The following BARHL2 variants were observed in gnomAD, a reference collection of about 807,000 sequenced individuals.
BARHL2 encodes barH-like 2 homeobox protein.
Under a neutral mutation model 27.1 loss-of-function variants are expected in BARHL2, and 10 were observed. The observed-to-expected ratio is 0.37, with a 90% CI of 0.23 to 0.63. The LOEUF is 0.63. BARHL2 is among the 20% of genes least tolerant of loss of function. The pLI, the probability that BARHL2 is intolerant of heterozygous loss-of-function variation, is 0.65. For synonymous variants in BARHL2, 248 were observed against 224.7 expected, an observed-to-expected ratio of 1.10 and a Z score of -0.93; for missense variants, 483 against 533.5, an observed-to-expected ratio of 0.91 and a Z score of 0.93.
rs895634490 is a variant in BARHL2, at chr1:90,717,259, T to C, written c.-64A>G. The C allele has an allele frequency of 1.4e-5, 22 of 1,560,348 alleles. No individual in the cohort carries two copies. The highest frequency in any genetic ancestry group is 3.7e-5 in the South Asian group (3 of 81,614). Reference sequence around the variant, plus strand: ...CGCCCCGAACCAGCGAAGAAAGCTATCGATCGTAAAACAAAATAAACACCA... The same window carrying C: ...CGCCCCGAACCAGCGAAGAAAGCTACCGATCGTAAAACAAAATAAACACCA... On this transcript the variant is annotated 5_prime_UTR_variant, in exon 1 of 3. Coordinates refer to ENST00000370445, the MANE Select transcript of BARHL2 (RefSeq NM_020063.2).
At position 90,711,588 on chromosome 1, in the gene BARHL2, A is replaced by G. The variant is rs1658032590; in HGVS notation, c.*724T>C. Reference sequence around the variant, plus strand: ...TTTTGTAATTTTCAATCACAAAAAAATCTATATTTTTGTCTAAGCATTTAT... The same window carrying G: ...TTTTGTAATTTTCAATCACAAAAAAGTCTATATTTTTGTCTAAGCATTTAT... On this transcript the variant is annotated 3_prime_UTR_variant, in exon 3 of 3. Coordinates refer to ENST00000370445, the MANE Select transcript of BARHL2 (RefSeq NM_020063.2). The G allele has an allele frequency of 6.6e-6, 1 of 152,256 alleles. No individual in the cohort carries two copies. The highest frequency in any genetic ancestry group is 1.5e-5 in the Non-Finnish European group (1 of 68,048). 9.4% of individuals were successfully genotyped at this position (152,256 alleles called of 1,614,324 possible).
At position 90,717,301 on chromosome 1, in the gene BARHL2, C is replaced by T. The variant is rs1658172780; in HGVS notation, c.-106G>A. On this transcript the variant is annotated 5_prime_UTR_variant, in exon 1 of 3. Transcript: ENST00000370445. Reference sequence around the variant, plus strand: ...TAAACACCAAACAATGTTGCCGCCGCTTAAAAAAAAAAAAGTGGGGCGGGG... The same window carrying T: ...TAAACACCAAACAATGTTGCCGCCGTTTAAAAAAAAAAAAGTGGGGCGGGG... 6.8e-7 allele frequency: 1 copy of T among 1,475,270 alleles called. No individual in the cohort carries two copies. Among genetic ancestry groups the T allele is most frequent in the Non-Finnish European group, 8.9e-7 (1 of 1,125,904 alleles). The allele number at this position is 1,475,270 out of a possible 1,614,324, so 91.4% of individuals were successfully genotyped here.
chr1:90,715,150 T>C (rs2100641927), intron 1 of BARHL2, among the ~76,000 whole-genome samples: 1 of 151,858 alleles, frequency 6.6e-6, no homozygotes, highest in Non-Finnish European at 1.5e-5. Flanking sequence ...TGTGGTGATT[T>C]TTCAAAGGGT....
In BARHL2 at chr1:90,717,139, A is replaced by T; in HGVS notation, c.57T>A (p.Ser19Arg). 2 of 1,613,828 alleles carry T rather than the reference A, an allele frequency of 1.2e-6. No individual in the cohort carries two copies. Among genetic ancestry groups the T allele is most frequent in the Non-Finnish European group, 1.7e-6 (2 of 1,179,950 alleles). ...TCATGCCTGGGCTGCCTGAACTGGCACTGGACAAAATCGTGTCTATTCCAA... is the reference window on the plus strand; with the variant it reads ...TCATGCCTGGGCTGCCTGAACTGGCTCTGGACAAAATCGTGTCTATTCCAA... ...SSFGIDTILS[S>R]ASSGSPGMMN... The change falls in exon 1 of 3, where the codon AGT becomes AGA. Residue 19 changes from serine (S) to arginine (R), a missense_variant. Ser to Arg is a moderately radical substitution (Grantham distance 110). Around this residue, in one of 3 missense-constraint regions of BARHL2, gnomAD observed 304 missense variants for 284.9 expected, o/e 1.07. Coordinates refer to ENST00000370445, the MANE Select transcript of BARHL2 (RefSeq NM_020063.2).
intron 1 of BARHL2, among the ~76,000 whole-genome samples, chr1:90,715,038 T>A (rs1438778846): frequency 6.6e-6 from 1 of 152,184 alleles, no homozygotes; most frequent in African/African-American, 2.4e-5. Flanking sequence ...AAAATTTTTT[T>A]AAATAAAACT....
At position 90,711,736 on chromosome 1, in the gene BARHL2, C is replaced by T. The variant is rs1455847063; in HGVS notation, c.*576G>A. ...CTTATCACTCAGTCTTTCAAATGTA[C>T]ATTTTTTTCATATTATGGAGCATGC... On this transcript the variant is annotated 3_prime_UTR_variant, in exon 3 of 3. Coordinates refer to ENST00000370445, the MANE Select transcript of BARHL2 (RefSeq NM_020063.2). 1 of 152,060 alleles carries T rather than the reference C, an allele frequency of 6.6e-6. No homozygotes were observed. The highest frequency in any genetic ancestry group is 2.4e-5 in the African/African-American group (1 of 41,394). 9.4% of individuals were successfully genotyped at this position (152,060 alleles called of 1,614,324 possible).
Position 90,717,054 on chromosome 1 carries a change from T to C in BARHL2, c.142A>G (p.Thr48Ala). The change falls in exon 1 of 3, where the codon ACC becomes GCC. Residue 48 changes from threonine to alanine, a missense_variant. Transcript: ENST00000370445. The part of the protein sequence containing the change: ...ARTADFRSQA[T>A]PSPCSEIDTV... ...TCAATCTCCGAACAGGGAGATGGGG[T>C]GGCCTGACTCCTAAAATCCGCGGTC... 1 of 1,613,860 alleles carries C rather than the reference T, an allele frequency of 6.2e-7. No homozygotes were observed. The highest frequency in any genetic ancestry group is 8.5e-7 in the Non-Finnish European group (1 of 1,179,948).
At chr1:90,712,975 C>T (rs1030519359) in intron 2 of BARHL2, among the ~76,000 whole-genome samples, 2 of 152,172 alleles carry the variant, frequency 1.3e-5, no homozygotes, top group African/African-American at 2.4e-5. Context: ...GAGACTTCCA[C>T]AAGCAGTCAC....
rs767272468 is a variant in BARHL2, at chr1:90,714,072, G to A, written c.851+459C>T. On this transcript the variant is annotated intron_variant, in intron 2 of 2. Transcript: ENST00000370445. ...AGGCCAAAGCAAGGACATTTACGCC[G>A]AGGCTGGTGGGACAGCTCTGTGGGA... Among the ~76,000 whole-genome samples, 23 of 152,144 alleles carry A rather than the reference G, an allele frequency of 1.5e-4. No homozygotes were observed. The East Asian group carries it at 2.1e-3, about 14-fold the overall frequency.
intron 1 of BARHL2, among the ~76,000 whole-genome samples, chr1:90,716,295 G>A (rs1212148257): frequency 6.6e-6 from 1 of 152,174 alleles, no homozygotes; most frequent in African/African-American, 2.4e-5. Context: ...GATGCCCTCC[G>A]CCGCCCCTCA....
At chr1:90,712,706 T>C in intron 2 of BARHL2, 82 bp from the exon 3 acceptor site, 1 of 1,331,908 alleles carries the variant, frequency 7.5e-7, no homozygotes, top group East Asian at 2.5e-5. Context: ...TCTGGCCCCT[T>C]CCTGCCTCCT....
In BARHL2 at chr1:90,712,316, C is replaced by CG. The variant is rs1557466051; in HGVS notation, c.1159dup (p.Arg387ProfsTer45). 1 of 1,458,716 alleles carries CG rather than the reference C, an allele frequency of 6.9e-7. No homozygotes were observed. 90.4% of individuals were successfully genotyped at this position (1,458,716 alleles called of 1,614,324 possible). The stretch of plus-strand genomic sequence containing the variant: ...AGTGCCTTCGCTGCAATGTTTTCAC[C>CG]GGGGGTGTGGGGTGCCTGGGATGGG... On this transcript the variant is annotated frameshift_variant, in exon 3 of 3. Coordinates refer to ENST00000370445, the MANE Select transcript of BARHL2 (RefSeq NM_020063.2). LOFTEE classifies it high-confidence loss of function.
rs578099098 is a variant in BARHL2 at position 90,711,717 on chromosome 1, A to T, written c.*595T>A. Reference sequence around the variant, plus strand: ...TAATAAATATGATATATCACTTATCACTCAGTCTTTCAAATGTACATTTTT... The same window carrying T: ...TAATAAATATGATATATCACTTATCTCTCAGTCTTTCAAATGTACATTTTT... On this transcript the variant is annotated 3_prime_UTR_variant, in exon 3 of 3. Transcript: ENST00000370445. 1.4e-4 allele frequency: 22 copies of T among 152,176 alleles called. No homozygotes were observed. The highest frequency in any genetic ancestry group is 5.1e-4 in the African/African-American group (21 of 41,528). The allele number at this position is 152,176 out of a possible 1,614,324, so 9.4% of individuals were successfully genotyped here. A position where few individuals can be genotyped will look rare whatever the true frequency, so the allele number is the denominator to read the frequency against.
At position 90,717,107 on chromosome 1, in the gene BARHL2, C is replaced by T. The variant is rs563173064; in HGVS notation, c.89G>A (p.Gly30Glu). The change falls in exon 1 of 3, where the codon GGA becomes GAA. Residue 30 changes from glycine (G) to glutamate (E), a missense_variant. Around this residue, in one of 3 missense-constraint regions of BARHL2, gnomAD observed 304 missense variants for 284.9 expected, o/e 1.07. Coordinates refer to ENST00000370445, the MANE Select transcript of BARHL2 (RefSeq NM_020063.2). The stretch of plus-strand genomic sequence containing the variant: ...GGCCTCACCGAGCGGGCGGAAATCT[C>T]CATTCATCATGCCTGGGCTGCCTGA... The part of the protein sequence containing the change: ...ASSGSPGMMN[G>E]DFRPLGEART... The T allele has an allele frequency of 1.2e-6, 2 of 1,613,934 alleles. No individual in the cohort carries two copies. The highest frequency in any genetic ancestry group is 2.2e-5 in the South Asian group (2 of 91,026).
At chr1:90,712,956 G>A (rs188831026) in intron 2 of BARHL2, among the ~76,000 whole-genome samples, 59 of 152,218 alleles carry the variant, frequency 3.9e-4, no homozygotes, top group Admixed American at 3.4e-3. Flanking sequence ...ACTTTCCTTA[G>A]GGCCAAAGGA....
intron 1 of BARHL2, among the ~76,000 whole-genome samples, chr1:90,716,356 G>A (rs550082525): frequency 3.3e-5 from 5 of 152,332 alleles, no homozygotes; most frequent in African/African-American, 9.6e-5. Flanking sequence ...CTGGATGGCC[G>A]TGAAGGTTGT....
At position 90,711,705 on chromosome 1, in the gene BARHL2, A is replaced by G. The variant is rs1658035169; in HGVS notation, c.*607T>C. On this transcript the variant is annotated 3_prime_UTR_variant, in exon 3 of 3. Transcript: ENST00000370445. ...TTGGACAACATATAATAAATATGAT[A>G]TATCACTTATCACTCAGTCTTTCAA... The G allele has an allele frequency of 6.6e-6, 1 of 152,230 alleles. No individual in the cohort carries two copies. Among genetic ancestry groups the G allele is most frequent in the South Asian group, 2.1e-4 (1 of 4,834 alleles). 9.4% of individuals were successfully genotyped at this position (152,230 alleles called of 1,614,324 possible).
chr1:90,714,422 G>T, intron 2 of BARHL2, 109 bp downstream of exon 2: 2 of 1,096,302 alleles, frequency 1.8e-6, no homozygotes. Flanking sequence ...CCACTCCAGG[G>T]TCACTCTCAG....
At chr1:90,714,438 A>G in intron 2 of BARHL2, 93 bp downstream of exon 2, 7 of 1,252,738 alleles carry the variant, frequency 5.6e-6, no homozygotes, top group Middle Eastern at 1.9e-4. Context: ...CTCAGTCCTT[A>G]GAGTCTCTGG....
Sources: gnomAD v4.1 joint callset for allele counts (sites outside exome capture counted in the v4.1 genomes callset) on GRCh38, gnomAD v4.1.1 for gene constraint, gnomAD v4.1.1 regional missense constraint, MANE v1.5 for transcripts, NCBI Gene and HGNC (gene_info 2026-07-23, HGNC 2026-07-21) for gene names.